Variants in STAU1 observed in about 807,000 individuals in gnomAD.
The protein encoded by STAU1 is staufen double-stranded RNA binding protein 1.
STAU1 carries 13 observed loss-of-function variants against 62.9 expected under a neutral mutation model. The ratio of observed to expected loss-of-function variants is 0.21; its 90% confidence interval spans 0.13 to 0.33. STAU1 has a LOEUF of 0.33. Among genes scored for constraint, STAU1 ranks in the 10% least tolerant of loss-of-function variants. The probability of loss-of-function intolerance (pLI) is 1.00; values close to 1 mark genes in which losing one functional copy is unlikely to be tolerated. For synonymous variants in STAU1, 269 were observed against 265.1 expected (o/e 1.01, Z -0.14); for missense variants, 571 against 712.1 (o/e 0.80, Z 2.25).
chr20:49,214,087 C>T, the STAU1 span, among the ~76,000 whole-genome samples: 1 of 152,114 alleles, frequency 6.6e-6, no homozygotes, highest in African/African-American at 2.4e-5. Flanking sequence ...TGATGCACCC[C>T]TGTAATCCCA....
intron 5 of STAU1, among the ~76,000 whole-genome samples, chr20:49,137,949 G>A (rs1736464792): frequency 6.6e-6 from 1 of 151,436 alleles, no homozygotes; most frequent in Non-Finnish European, 1.5e-5. Context: ...TGAAGTGCTG[G>A]GATTACAGAC....
At chr20:49,193,032 G>A (rs1368020339), upstream of STAU1, among the ~76,000 whole-genome samples, 1 of 152,302 alleles carries the variant, frequency 6.6e-6, no homozygotes, top group South Asian at 2.1e-4. Flanking sequence ...CAATGGAAGA[G>A]ATATTTCCAG....
intron 3 of STAU1, among the ~76,000 whole-genome samples, chr20:49,162,727 G>A (rs1234853539): frequency 1.3e-5 from 2 of 148,598 alleles, no homozygotes; most frequent in African/African-American, 2.5e-5. Context: ...AGTGAGCCGA[G>A]ACCATGCCAC....
intron 6 of STAU1, among the ~76,000 whole-genome samples, chr20:49,131,425 GAA>G (rs1245588484): frequency 6.6e-6 from 1 of 152,182 alleles, no homozygotes; most frequent in Non-Finnish European, 1.5e-5. Context: ...TTATTTAAGA[GAA>G]TGTCCTTGCT....
chr20:49,173,454 A>T (rs2093622677), intron 2 of STAU1, among the ~76,000 whole-genome samples: 1 of 152,202 alleles, frequency 6.6e-6, no homozygotes, highest in South Asian at 2.1e-4. Flanking sequence ...TCCGTTTCAG[A>T]AAGAAAGAAA....
At chr20:49,159,906 T>A (rs578010463) in intron 3 of STAU1, among the ~76,000 whole-genome samples, 1 of 152,364 alleles carries the variant, frequency 6.6e-6, no homozygotes, top group African/African-American at 2.4e-5. Context: ...TCAAATAGAA[T>A]TATGTTTTAA....
intron 6 of STAU1, chr20:49,134,803 G>C (rs1304203520): frequency 1.6e-5 from 21 of 1,317,978 alleles, no homozygotes; most frequent in Non-Finnish European, 2.2e-5. Context: ...TTCCTGGAGA[G>C]CCTGGTTTTC....
chr20:49,154,672 T>C (rs906906187), intron 3 of STAU1, among the ~76,000 whole-genome samples: 1 of 151,942 alleles, frequency 6.6e-6, no homozygotes, highest in African/African-American at 2.4e-5. Context: ...GAGACCATCT[T>C]GGCTAACATG....
At chr20:49,163,268 C>T (rs2093476784) in intron 3 of STAU1, among the ~76,000 whole-genome samples, 1 of 151,806 alleles carries the variant, frequency 6.6e-6, no homozygotes, top group East Asian at 1.9e-4. Context: ...TGTTGGGAAG[C>T]AGAATATTGT....
chr20:49,130,720 T>C (rs907935009), intron 6 of STAU1, among the ~76,000 whole-genome samples: 101 of 152,326 alleles, frequency 6.6e-4, no homozygotes, highest in Non-Finnish European at 2.6e-4. Context: ...ACCACAGTGA[T>C]AATCAATGCC....
intron 7 of STAU1, among the ~76,000 whole-genome samples, chr20:49,123,898 G>C (rs2092529752): frequency 6.6e-6 from 1 of 152,160 alleles, no homozygotes. Flanking sequence ...GTTGGGGAAG[G>C]GGTCAATATA....
At chr20:49,213,364 G>A in the STAU1 span, among the ~76,000 whole-genome samples, 1 of 151,896 alleles carries the variant, frequency 6.6e-6, no homozygotes, top group African/African-American at 2.4e-5. Context: ...CTGAGCAGCT[G>A]GGATTACAGG....
intron 5 of STAU1, among the ~76,000 whole-genome samples, chr20:49,142,411 A>C (rs906675957): frequency 1.3e-5 from 2 of 152,132 alleles, no homozygotes; most frequent in African/African-American, 4.8e-5. Context: ...TTTAAATAAC[A>C]ATTTATACTA....
chr20:49,149,697 A>C (rs745615914), intron 5 of STAU1, among the ~76,000 whole-genome samples: 7 of 152,128 alleles, frequency 4.6e-5, no homozygotes, highest in Non-Finnish European at 1.0e-4. Flanking sequence ...TTACAGCCTC[A>C]TTTTCTTTGA....
chr20:49,203,611 T>C, the STAU1 span, among the ~76,000 whole-genome samples: 19 of 152,216 alleles, frequency 1.2e-4, no homozygotes, highest in African/African-American at 4.1e-4. Flanking sequence ...AAATACCTTT[T>C]AGTATTCTTT....
At chr20:49,181,900 G>A (rs565377449) in intron 1 of STAU1, among the ~76,000 whole-genome samples, 10 of 151,794 alleles carry the variant, frequency 6.6e-5, no homozygotes, top group Admixed American at 6.6e-4. Context: ...TATTGTCTGG[G>A]AGACATGACA....
At chr20:49,210,885 C>A in the STAU1 span, among the ~76,000 whole-genome samples, 2 of 151,998 alleles carry the variant, frequency 1.3e-5, no homozygotes, top group African/African-American at 2.4e-5. Context: ...GTTATGCAAC[C>A]GTAATCTCTA....
chr20:49,163,129 T>C (rs1269330770), intron 3 of STAU1, among the ~76,000 whole-genome samples: 4 of 151,808 alleles, frequency 2.6e-5, no homozygotes, highest in African/African-American at 4.8e-5. Flanking sequence ...GAGGAGGAAG[T>C]TGCAGTGAGC....
chr20:49,157,239 G>A (rs985204370), intron 3 of STAU1, among the ~76,000 whole-genome samples: 1 of 152,122 alleles, frequency 6.6e-6, no homozygotes, highest in Non-Finnish European at 1.5e-5. Context: ...TAAACACACA[G>A]CAGTACTTCA....
Sources: allele counts gnomAD v4.1 joint callset (sites outside exome capture counted in the v4.1 genomes callset), GRCh38; gene constraint gnomAD v4.1.1; transcripts MANE v1.5; gene names NCBI Gene and HGNC (gene_info 2026-07-23, HGNC 2026-07-21).